UBR2: variants seen among roughly 807,000 people sequenced by gnomAD.
UBR2 encodes the protein ubiquitin protein ligase E3 component n-recognin 2, also known as E3 ubiquitin-protein ligase UBR2.
UBR2 carries 92 observed loss-of-function variants against 247.9 expected under a neutral mutation model. That is an observed-to-expected ratio of 0.37 (90% CI 0.31 to 0.44). The LOEUF (loss-of-function observed/expected upper bound fraction) is 0.44, where lower values mean the gene tolerates loss of function less well. UBR2 is among the 20% of genes least tolerant of loss of function. The pLI is 1.00. For synonymous variants in UBR2, 672 were observed against 693.5 expected (o/e 0.97, Z 0.49); for missense variants, 1,613 against 2,112.6 (o/e 0.76, Z 4.64).
rs964799716 is a variant in UBR2 at position 42,666,185 on chromosome 6, A to T, written c.3821A>T (p.Asn1274Ile). The T allele has an allele frequency of 1.5e-5, 24 of 1,612,424 alleles. No individual in the cohort carries two copies. The highest frequency in any genetic ancestry group is 1.8e-5 in the Non-Finnish European group (21 of 1,179,252). ...TCTATAGATAATGCCTCTACAAAGA[A>T]TTCAGAAAATGTGGATGAATTACAG... ...ESTPNNASTK[N>I]SENVDELQLP... Residue 1274 changes from asparagine to isoleucine, a missense_variant, in exon 34 of 47, where the codon AAT becomes ATT. Physicochemically the swap from Asn to Ile is moderately radical, Grantham distance 149. Transcript: ENST00000372901.
chr6:42,591,218 C>T (rs1205295400), intron 2 of UBR2, among the ~76,000 whole-genome samples: 3 of 152,214 alleles, frequency 2.0e-5, no homozygotes, highest in East Asian at 3.8e-4. Context: ...TGCCACTGCA[C>T]TCCAGCCTGG....
At position 42,574,472 on chromosome 6, in the gene UBR2, A is replaced by G. The variant is rs574314923; in HGVS notation, c.338+479A>G. On this transcript the variant is annotated intron_variant, in intron 2 of 46. Transcript: ENST00000372901. ...CGTATGTACAATCAGCTATTTCTTT[A>G]AAGATTTTTCTTTCATTTGGGAATG... Among the ~76,000 whole-genome samples, 10 of 152,230 alleles carry G rather than the reference A, an allele frequency of 6.6e-5. No individual in the cohort carries two copies. The East Asian group carries it at 1.4e-3, about 21-fold the overall frequency.
chr6:42,613,674 A>G (rs1263302549), intron 8 of UBR2, among the ~76,000 whole-genome samples: 1 of 152,136 alleles, frequency 6.6e-6, no homozygotes, highest in East Asian at 1.9e-4. Context: ...GTGCTACAGT[A>G]TTACTGAAGA....
At chr6:42,592,267 C>A in intron 3 of UBR2, 38 bp downstream of exon 3, 1 of 1,360,276 alleles carries the variant, frequency 7.4e-7, no homozygotes, top group Non-Finnish European at 9.8e-7. Context: ...CGCAGTATTG[C>A]ATTTTATAAT....
At chr6:42,639,662 G>C (rs533179774) in intron 15 of UBR2, among the ~76,000 whole-genome samples, 2 of 152,158 alleles carry the variant, frequency 1.3e-5, no homozygotes, top group Non-Finnish European at 2.9e-5. Flanking sequence ...CAGTTTTTCC[G>C]ATCAGTGGCC....
intron 44 of UBR2, among the ~76,000 whole-genome samples, chr6:42,687,355 G>C (rs1256728866): frequency 2.0e-5 from 3 of 152,142 alleles, no homozygotes; most frequent in South Asian, 4.1e-4. Context: ...GTGGCGGCGC[G>C]CGCCTGCAAT....
intron 16 of UBR2, 151 bp from the exon 17 acceptor site, chr6:42,641,431 G>C: frequency 2.0e-6 from 1 of 503,826 alleles, no homozygotes; most frequent in Non-Finnish European, 3.2e-6. Flanking sequence ...CTGGGTGACA[G>C]AGTGAGACTC....
chr6:42,648,325 T>C (rs1000470466), intron 22 of UBR2, among the ~76,000 whole-genome samples, 155 bp downstream of exon 22: 3 of 152,236 alleles, frequency 2.0e-5, no homozygotes, highest in African/African-American at 7.2e-5. Context: ...GATTTCTCAC[T>C]GACATTTCAC....
chr6:42,676,686 G>C (rs1399299454), intron 39 of UBR2, 97 bp from the exon 40 acceptor site: 2 of 945,076 alleles, frequency 2.1e-6, no homozygotes, highest in Non-Finnish European at 3.4e-6. Flanking sequence ...CATGTTATAT[G>C]TGAGTTTATG....
intron 15 of UBR2, among the ~76,000 whole-genome samples, chr6:42,637,614 C>T (rs1385156306): frequency 6.6e-6 from 1 of 152,146 alleles, no homozygotes; most frequent in African/African-American, 2.4e-5. Context: ...TGAAGCCACC[C>T]TAGGTTTTCT....
At chr6:42,606,892 A>G (rs1031605169) in intron 7 of UBR2, among the ~76,000 whole-genome samples, 2 of 152,146 alleles carry the variant, frequency 1.3e-5, no homozygotes, top group Non-Finnish European at 2.9e-5. Context: ...AAGCAGTCTT[A>G]GAATGTTTTT....
Position 42,564,209 on chromosome 6 carries a change from C to G in UBR2, c.-111C>G. The G allele has an allele frequency of 8.0e-7, 1 of 1,243,630 alleles. No individual in the cohort carries two copies. The highest frequency in any genetic ancestry group is 1.4e-5 in the South Asian group (1 of 72,096). 77.0% of individuals were successfully genotyped at this position (1,243,630 alleles called of 1,614,324 possible). ...GTTGCTCCACCTGCAGCCACTTGGA[C>G]GGCTCCGGGACTGATTGCCTGGGGC... On this transcript the variant is annotated 5_prime_UTR_variant, in exon 1 of 47. Coordinates refer to ENST00000372901, the MANE Select transcript of UBR2 (RefSeq NM_001363705.2).
At chr6:42,640,675 T>C (rs1796388914) in intron 16 of UBR2, among the ~76,000 whole-genome samples, 1 of 152,136 alleles carries the variant, frequency 6.6e-6, no homozygotes, top group Non-Finnish European at 1.5e-5. Flanking sequence ...ACTGAACTGA[T>C]GAAGCCCACC....
chr6:42,654,368 C>T (rs535642288), intron 25 of UBR2, among the ~76,000 whole-genome samples: 53 of 152,296 alleles, frequency 3.5e-4, no homozygotes, highest in Non-Finnish European at 6.0e-4. Context: ...AAGTCTCTGA[C>T]AACCACAGTC....
intron 17 of UBR2, 37 bp downstream of exon 17, chr6:42,641,729 C>T (rs781492052): frequency 7.8e-6 from 12 of 1,539,618 alleles, no homozygotes; most frequent in Non-Finnish European, 9.8e-6. Context: ...GTTTTCATTC[C>T]ATTCTTGGCT....
intron 1 of UBR2, among the ~76,000 whole-genome samples, chr6:42,572,765 TGGATC>T (rs1296853347): frequency 6.6e-6 from 1 of 152,004 alleles, no homozygotes; most frequent in Non-Finnish European, 1.5e-5. Context: ...TCGCCCAGGC[TGGATC>T]TTGGCTCACT....
intron 32 of UBR2, among the ~76,000 whole-genome samples, chr6:42,665,058 A>G (rs1413882573): frequency 1.3e-5 from 2 of 152,236 alleles, no homozygotes. Flanking sequence ...GATTAAGTCT[A>G]ATACCATAAG....
At chr6:42,570,215 A>AT (rs533545994) in intron 1 of UBR2, among the ~76,000 whole-genome samples, 73 of 152,214 alleles carry the variant, frequency 4.8e-4, no homozygotes, top group Non-Finnish European at 7.9e-4. Flanking sequence ...GGTGATTGTG[A>AT]TTTTTTCATA....
At chr6:42,687,532 A>T (rs1028398812) in intron 44 of UBR2, among the ~76,000 whole-genome samples, 4 of 148,980 alleles carry the variant, frequency 2.7e-5, no homozygotes, top group Non-Finnish European at 4.4e-5. Flanking sequence ...ATTTTATTTT[A>T]TTTATTTATT....
Sources: allele counts gnomAD v4.1 joint callset (sites outside exome capture counted in the v4.1 genomes callset), GRCh38; gene constraint gnomAD v4.1.1; transcripts MANE v1.5; gene names NCBI Gene and HGNC (gene_info 2026-07-23, HGNC 2026-07-21).